MCTP1: variants seen among roughly 807,000 people sequenced by gnomAD.
MCTP1 encodes multiple C2 and transmembrane domain containing 1, also known as multiple C2 and transmembrane domain-containing protein 1.
A neutral mutation model predicts 120.6 loss-of-function variants in MCTP1; 69 were observed. The observed-to-expected ratio is 0.57, with a 90% confidence interval of 0.47 to 0.70. The LOEUF (loss-of-function observed/expected upper bound fraction) is 0.70, where lower values mean the gene tolerates loss of function less well. Ranked by LOEUF, MCTP1 falls within the 30% of genes least tolerant of loss-of-function variation. The probability of loss-of-function intolerance (pLI) is 0.00; values close to 1 mark genes in which losing one functional copy is unlikely to be tolerated. For synonymous variants in MCTP1, 529 were observed against 493.1 expected, an observed-to-expected ratio of 1.07 and a Z score of -0.96; for missense variants, 1,203 against 1,248.8, an observed-to-expected ratio of 0.96 and a Z score of 0.55.
At chr5:95,230,203 TACACAC>T (rs1038120698) in intron 1 of MCTP1, among the ~76,000 whole-genome samples, 6 of 148,226 alleles carry the variant, frequency 4.0e-5, no homozygotes, top group Middle Eastern at 7.1e-3. Flanking sequence ...TGTATATATA[TACACAC>T]ACATATACAC....
chr5:94,986,561 G>A (rs1302890519), intron 2 of MCTP1, among the ~76,000 whole-genome samples: 1 of 152,154 alleles, frequency 6.6e-6, no homozygotes, highest in Non-Finnish European at 1.5e-5. Flanking sequence ...CCAGGCTGGA[G>A]TGCAGTGGCA....
chr5:95,012,235 G>T (rs1286222333), intron 2 of MCTP1, among the ~76,000 whole-genome samples: 2 of 152,000 alleles, frequency 1.3e-5, no homozygotes, highest in African/African-American at 4.8e-5. Flanking sequence ...GTTCATTCTA[G>T]ACTGCCTACT....
chr5:94,722,296 C>T (rs993884572), intron 19 of MCTP1, among the ~76,000 whole-genome samples: 1 of 152,120 alleles, frequency 6.6e-6, no homozygotes, highest in Admixed American at 6.6e-5. Flanking sequence ...AAGTGATAGA[C>T]ATCGGGGTGA....
chr5:94,854,296 G>T (rs1161706902), intron 17 of MCTP1, among the ~76,000 whole-genome samples: 3 of 151,866 alleles, frequency 2.0e-5, no homozygotes, highest in Middle Eastern at 6.8e-3. Context: ...TTGAGGTACG[G>T]GTCATGAATT....
At chr5:95,128,579 G>A (rs749188592) in intron 1 of MCTP1, among the ~76,000 whole-genome samples, 8 of 152,160 alleles carry the variant, frequency 5.3e-5, no homozygotes, top group South Asian at 4.1e-4. Flanking sequence ...AAAGGGCCAC[G>A]TATTGTATGA....
intron 1 of MCTP1, among the ~76,000 whole-genome samples, chr5:95,024,648 T>TAC (rs111890273): frequency 0.47 from 68,507 of 146,084 alleles, 16,433 homozygotes; most frequent in Non-Finnish European, 0.56. Flanking sequence ...GGCATTCAAA[T>TAC]ACACACACAC....
intron 3 of MCTP1, among the ~76,000 whole-genome samples, chr5:94,947,577 T>TATATATAGAGAG: frequency 6.5e-4 from 31 of 47,378 alleles, no homozygotes; most frequent in African/African-American, 9.3e-4. Flanking sequence ...TATATATATA[T>TATATATAGAGAG]AGAGAGAGAG....
At chr5:94,762,826 C>A (rs1232349535) in intron 19 of MCTP1, among the ~76,000 whole-genome samples, 1 of 152,212 alleles carries the variant, frequency 6.6e-6, no homozygotes, top group South Asian at 2.1e-4. Flanking sequence ...GATTTCCAGT[C>A]TTAGCTACTT....
At chr5:95,085,252 A>G (rs929316631) in intron 1 of MCTP1, among the ~76,000 whole-genome samples, 4 of 152,138 alleles carry the variant, frequency 2.6e-5, no homozygotes, top group Non-Finnish European at 5.9e-5. Context: ...GTTGGCTTAT[A>G]TCATTACTGT....
At chr5:94,875,274 G>A (rs1466997280) in intron 12 of MCTP1, among the ~76,000 whole-genome samples, 2 of 152,116 alleles carry the variant, frequency 1.3e-5, no homozygotes. Context: ...TGAGTCTTGG[G>A]TGACCCAGAG....
At chr5:94,870,359 A>C in intron 16 of MCTP1, 58 bp downstream of exon 16, 2 of 1,139,680 alleles carry the variant, frequency 1.8e-6, no homozygotes, top group Non-Finnish European at 2.6e-6. Flanking sequence ...ATTTACTTAG[A>C]TGTTTTACAG....
At chr5:94,875,852 G>A (rs559783696) in intron 12 of MCTP1, among the ~76,000 whole-genome samples, 1 of 151,866 alleles carries the variant, frequency 6.6e-6, no homozygotes, top group East Asian at 1.9e-4. Flanking sequence ...GAGAAAGCAG[G>A]CAATTTTATG....
chr5:94,900,730 A>T (rs554623132), intron 10 of MCTP1, among the ~76,000 whole-genome samples: 1 of 152,202 alleles, frequency 6.6e-6, no homozygotes, highest in East Asian at 1.9e-4. Flanking sequence ...TTCAGAAAAC[A>T]GAAATTTTAA....
intron 1 of MCTP1, among the ~76,000 whole-genome samples, chr5:95,257,421 G>A (rs535189624): frequency 6.6e-6 from 1 of 152,138 alleles, no homozygotes; most frequent in East Asian, 1.9e-4. Flanking sequence ...TCTAGAATTT[G>A]AAGACAACAG....
chr5:94,858,068 C>T (rs1684591251), intron 17 of MCTP1, among the ~76,000 whole-genome samples: 1 of 151,602 alleles, frequency 6.6e-6, no homozygotes, highest in South Asian at 2.1e-4. Flanking sequence ...AAAATTTAGG[C>T]CACGGACAGG....
intron 6 of MCTP1, among the ~76,000 whole-genome samples, chr5:94,928,912 T>C (rs1813833135): frequency 6.6e-6 from 1 of 152,302 alleles, no homozygotes; most frequent in Non-Finnish European, 1.5e-5. Flanking sequence ...GATTCTTCTT[T>C]TGATTTCAAT....
chr5:94,868,277 A>G, intron 17 of MCTP1, 56 bp downstream of exon 17: 1 of 1,473,708 alleles, frequency 6.8e-7, no homozygotes, highest in Non-Finnish European at 9.1e-7. Context: ...AGAAACATGC[A>G]GCTATGATTA....
chr5:94,936,378 C>T (rs528349109), intron 5 of MCTP1, among the ~76,000 whole-genome samples: 1 of 151,996 alleles, frequency 6.6e-6, no homozygotes, highest in Non-Finnish European at 1.5e-5. Flanking sequence ...ATTTTAGGTA[C>T]ACAAGTAACA....
At chr5:95,107,569 C>A (rs1208668704) in intron 1 of MCTP1, among the ~76,000 whole-genome samples, 1 of 152,224 alleles carries the variant, frequency 6.6e-6, no homozygotes, top group East Asian at 1.9e-4. Context: ...GTACAGCAAG[C>A]CTAAGTAAAG....
Sources: allele counts gnomAD v4.1 joint callset (sites outside exome capture counted in the v4.1 genomes callset), GRCh38; gene constraint gnomAD v4.1.1; transcripts MANE v1.5; gene names NCBI Gene and HGNC (gene_info 2026-07-23, HGNC 2026-07-21).